SLC39A13: variants seen among roughly 807,000 people sequenced by gnomAD.
SLC39A13 encodes the protein zinc transporter ZIP13.
SLC39A13 carries 18 observed loss-of-function variants against 38.7 expected under a neutral mutation model. The observed-to-expected ratio is 0.47, with a 90% CI of 0.32 to 0.69. The LOEUF is 0.69. Ranked by LOEUF, SLC39A13 falls within the 30% of genes least tolerant of loss-of-function variation. SLC39A13 has a pLI of 0.03. For missense variants in SLC39A13, 395 were observed against 490.7 expected, an observed-to-expected ratio of 0.80 and a Z score of 1.84; for synonymous variants, 212 against 219.1, an observed-to-expected ratio of 0.97 and a Z score of 0.29.
chr11:47,408,198 G>A (rs897631567), upstream of SLC39A13, among the ~76,000 whole-genome samples: 1 of 152,198 alleles, frequency 6.6e-6, no homozygotes, highest in African/African-American at 2.4e-5. Context: ...TGGGCGGCGT[G>A]GTCTGGCGGC....
intron 6 of SLC39A13, 127 bp downstream of exon 6, chr11:47,413,813 C>T: frequency 2.0e-6 from 2 of 1,020,226 alleles, no homozygotes; most frequent in Middle Eastern, 2.0e-4. Context: ...TCTCATCCCC[C>T]ATCCTCCCTG....
Position 47,410,213 on chromosome 11 carries a change from G to A in SLC39A13, c.119G>A (p.Arg40Gln), listed in dbSNP as rs35741412. 30,517 of 1,613,426 alleles carry A rather than the reference G, an allele frequency of 0.019. 370 individuals carry two copies. The highest frequency in any genetic ancestry group is 0.024 in the Non-Finnish European group (27,753 of 1,179,572). ...GGTTCCCAGCCGGCCCTCCGGAGCC[G>A]GGGGACTGCGACGGCCTGTCGCCTG... is the stretch of plus-strand genomic sequence containing the variant. ...AGGSQPALRS[R>Q]GTATACRLDN... The change falls in exon 2 of 10, where the codon CGG becomes CAG. Residue 40 changes from arginine to glutamine, a missense_variant. Physicochemically the swap from Arg to Gln is conservative, Grantham distance 43. Coordinates refer to ENST00000362021, the MANE Select transcript of SLC39A13 (RefSeq NM_001128225.3).
chr11:47,412,486 G>A lies in SLC39A13; in HGVS notation c.537+19G>A, dbSNP rs372058980. 2.8e-5 allele frequency: 45 copies of A among 1,613,892 alleles called. No individual in the cohort carries two copies. Among genetic ancestry groups the A allele is most frequent in the Non-Finnish European group, 1.9e-5 (22 of 1,179,934 alleles). On this transcript the variant is annotated intron_variant, in intron 4 of 9. Transcript: ENST00000362021. ...CAGCCAGGTGGGCCCCACACTCAAG[G>A]GCCTGGATATATCAGCCTCTGTTCT...
At chr11:47,412,758 C>CTTTTTT (rs1187342398) in intron 4 of SLC39A13, among the ~76,000 whole-genome samples, 9 of 115,110 alleles carry the variant, frequency 7.8e-5, no homozygotes, top group Non-Finnish European at 1.2e-4. Flanking sequence ...GGGTTCCTAT[C>CTTTTTT]TTTTTTTTTT....
intron 7 of SLC39A13, 27 bp from the exon 8 acceptor site, chr11:47,414,750 A>T (rs374611906): frequency 1.9e-6 from 3 of 1,603,882 alleles, no homozygotes. Context: ...GCTGGGGCGC[A>T]GGGTGAACCT....
rs1334571024 is a variant in SLC39A13, at chr11:47,410,388, C to G, written c.294C>G (p.Arg98=). 4 of 1,613,976 alleles carry G rather than the reference C, an allele frequency of 2.5e-6. No individual in the cohort carries two copies. Among genetic ancestry groups the G allele is most frequent in the Non-Finnish European group, 3.4e-6 (4 of 1,179,986 alleles). The stretch of plus-strand genomic sequence containing the variant: ...CCCTAGAGATGGGGACCATGCTGCG[C>G]TCAGAAGGTAGGTGACTCTCCGGTG... ...VIPLEMGTML[R]SEAGAWRLKQ... The change falls in exon 2 of 10, where the codon CGC becomes CGG. Residue 98 remains arginine (R), a synonymous_variant. Transcript: ENST00000362021.
rs764346960 is a variant in SLC39A13 at position 47,412,512 on chromosome 11, G to C, written c.537+45G>C. On this transcript the variant is annotated intron_variant, in intron 4 of 9. Transcript: ENST00000362021. Reference sequence around the variant, plus strand: ...GCCTGGATATATCAGCCTCTGTTCTGTGGTAGTGCCCGGGGCCTGGAGGCC... The same window carrying C: ...GCCTGGATATATCAGCCTCTGTTCTCTGGTAGTGCCCGGGGCCTGGAGGCC... The C allele has an allele frequency of 2.2e-5, 36 of 1,613,224 alleles. No homozygotes were observed. The East Asian group carries it at 7.6e-4, about 34-fold the overall frequency.
chr11:47,410,824 C>T (rs1157037885), intron 2 of SLC39A13, among the ~76,000 whole-genome samples: 1 of 152,180 alleles, frequency 6.6e-6, no homozygotes, highest in African/African-American at 2.4e-5. Context: ...ACGAGCATCC[C>T]AGGGGCTGGT....
chr11:47,415,242 G>A (rs775906164), intron 9 of SLC39A13, 46 bp from the exon 10 acceptor site: 25 of 1,613,290 alleles, frequency 1.5e-5, no homozygotes, highest in Admixed American at 3.3e-5. Flanking sequence ...GCCGCTGCCT[G>A]CTCCCCCTGC....
intron 2 of SLC39A13, 111 bp downstream of exon 2, chr11:47,410,506 G>A: frequency 7.3e-7 from 1 of 1,376,552 alleles, no homozygotes; most frequent in South Asian, 1.2e-5. Context: ...GGAGAGGATA[G>A]AATAGAACTT....
At chr11:47,409,973 C>A in intron 1 of SLC39A13, 114 bp from the exon 2 acceptor site, 1 of 1,275,394 alleles carries the variant, frequency 7.8e-7, no homozygotes, top group Non-Finnish European at 1.1e-6. Context: ...CTGGCAAGGA[C>A]AGCAGGAGGG....
intron 4 of SLC39A13, among the ~76,000 whole-genome samples, chr11:47,413,126 ATTC>A (rs944794759): frequency 2.6e-5 from 4 of 151,996 alleles, no homozygotes; most frequent in African/African-American, 9.7e-5. Context: ...GGTTCAAGCA[ATTC>A]TTCTGCCTCA....
chr11:47,408,018 A>G (rs1007060784), upstream of SLC39A13, among the ~76,000 whole-genome samples: 3 of 152,252 alleles, frequency 2.0e-5, no homozygotes, highest in African/African-American at 7.2e-5. Flanking sequence ...TTCCCAGTGA[A>G]AAACCAAAGC....
intron 1 of SLC39A13, among the ~76,000 whole-genome samples, chr11:47,409,437 G>A (rs1253610349): frequency 6.6e-6 from 1 of 152,216 alleles, no homozygotes; most frequent in Non-Finnish European, 1.5e-5. Flanking sequence ...GCTCAGAGGG[G>A]GGGCTTCAGA....
Position 47,415,314 on chromosome 11 carries a change from T to C in SLC39A13, c.1067T>C (p.Leu356Pro). Residue 356 changes from leucine to proline, a missense_variant, in exon 10 of 10, where the codon CTC becomes CCC. Coordinates refer to ENST00000362021, the MANE Select transcript of SLC39A13 (RefSeq NM_001128225.3). ...PWRSLQQLLLLCAGIVVMVLF... is the reference protein window; with the variant it reads ...PWRSLQQLLLPCAGIVVMVLF... ...CGCTCCCTGCAGCAGCTGCTTCTGC[T>C]CTGTGCGGGCATCGTGGTAATGGTG... 1 of 1,614,072 alleles carries C rather than the reference T, an allele frequency of 6.2e-7. No individual in the cohort carries two copies. The highest frequency in any genetic ancestry group is 1.1e-5 in the South Asian group (1 of 91,080).
At chr11:47,411,901 C>G (rs375898628) in intron 2 of SLC39A13, 25 bp from the exon 3 acceptor site, 2 of 1,604,838 alleles carry the variant, frequency 1.2e-6, no homozygotes, top group Admixed American at 1.7e-5. Context: ...AGTCAGCCCC[C>G]AGACCCCGCA....
At chr11:47,414,669 AGGGGAAGGGT>A (rs1033681655) in intron 7 of SLC39A13, 98 bp from the exon 8 acceptor site, 14 of 1,559,182 alleles carry the variant, frequency 9.0e-6, no homozygotes, top group Non-Finnish European at 1.2e-5. Flanking sequence ...TGGGGGTCCC[AGGGGAAGGGT>A]GGGGAAGGGC....
In SLC39A13 at chr11:47,414,757, A is replaced by G; in HGVS notation, c.787-20A>G. The G allele has an allele frequency of 6.2e-7, 1 of 1,605,100 alleles. No individual in the cohort carries two copies. The highest frequency in any genetic ancestry group is 8.5e-7 in the Non-Finnish European group (1 of 1,179,904). Reference sequence around the variant, plus strand: ...CAGGCCCCGCTGGGGCGCAGGGTGAACCTCTGGACCTCCCTTCAGGTGGGC... The same window carrying G: ...CAGGCCCCGCTGGGGCGCAGGGTGAGCCTCTGGACCTCCCTTCAGGTGGGC... On this transcript the variant is annotated intron_variant, in intron 7 of 9. Coordinates refer to ENST00000362021, the MANE Select transcript of SLC39A13 (RefSeq NM_001128225.3).
chr11:47,412,366 C>T lies in SLC39A13; in HGVS notation c.436C>T (p.Gln146Ter), dbSNP rs2096004089. 2 of 1,613,842 alleles carry T rather than the reference C, an allele frequency of 1.2e-6. No homozygotes were observed. The highest frequency in any genetic ancestry group is 2.7e-5 in the African/African-American group (2 of 74,924). Reference protein sequence around the residue: ...ASPGGEGQSLQQQQQLGLWVI... With the variant: ...ASPGGEGQSL ...TGCAGGTGGTGAGGGGCAGAGCCTG[C>T]AGCAGCAGCAACAGCTGGGGCTGTG... Residue 146 changes from glutamine to a stop codon, truncating the protein, a stop_gained, in exon 4 of 10, where the codon CAG (glutamine) becomes TAG (stop). Transcript: ENST00000362021. LOFTEE classifies it high-confidence loss of function.
Sources: gnomAD v4.1 joint callset for allele counts (sites outside exome capture counted in the v4.1 genomes callset) on GRCh38, gnomAD v4.1.1 for gene constraint, MANE v1.5 for transcripts, NCBI Gene and HGNC (gene_info 2026-07-23, HGNC 2026-07-21) for gene names.